The following CPEB3 variants were observed in gnomAD, a reference collection of about 807,000 sequenced individuals.
CPEB3 encodes cytoplasmic polyadenylation element-binding protein 3.
In CPEB3, 20 loss-of-function variants were observed where a neutral mutation model predicts 67.2. The observed-to-expected ratio is 0.30, with a 90% CI of 0.21 to 0.43. The LOEUF (loss-of-function observed/expected upper bound fraction) is 0.43, where lower values mean the gene tolerates loss of function less well. Ranked by LOEUF, CPEB3 falls within the 20% of genes least tolerant of loss-of-function variation. The pLI is 1.00. For synonymous variants in CPEB3, 376 were observed against 393.1 expected (o/e 0.96, Z 0.51); for missense variants, 746 against 968.6 (o/e 0.77, Z 3.05).
chr10:92,258,227 G>A (rs529826652), intron 1 of CPEB3, among the ~76,000 whole-genome samples: 2 of 151,250 alleles, frequency 1.3e-5, no homozygotes, highest in Non-Finnish European at 2.9e-5. Context: ...AGCCTCCTGA[G>A]TAGCTGGGAT....
intron 3 of CPEB3, among the ~76,000 whole-genome samples, chr10:92,190,665 CAAAAAAAAAAAAAAAAAAAAAAAAAAA>C (rs780757034): frequency 2.6e-5 from 2 of 78,396 alleles, no homozygotes; most frequent in South Asian, 6.5e-4. Flanking sequence ...AACTCCATCT[CAAAAAAAAAAAAAAAAAAAAAAAAAAA>C]AAAAAAAAAA....
chr10:92,197,964 G>A (rs917062817), intron 2 of CPEB3, among the ~76,000 whole-genome samples: 6 of 152,022 alleles, frequency 3.9e-5, no homozygotes, highest in African/African-American at 7.2e-5. Flanking sequence ...AAAATTAGCC[G>A]GTGTGGTGGC....
chr10:92,085,636 T>C (rs918663448), intron 8 of CPEB3, among the ~76,000 whole-genome samples: 3 of 152,200 alleles, frequency 2.0e-5, no homozygotes, highest in African/African-American at 7.2e-5. Context: ...TGAGATGGAA[T>C]CTCGCTCTAT....
intron 8 of CPEB3, among the ~76,000 whole-genome samples, chr10:92,082,016 C>A (rs149400776): frequency 3.3e-5 from 5 of 152,208 alleles, no homozygotes; most frequent in African/African-American, 1.2e-4. Flanking sequence ...TAAATCTCCA[C>A]AATTTAAAAA....
chr10:92,113,169 G>A (rs985377305), intron 6 of CPEB3, among the ~76,000 whole-genome samples: 1 of 152,210 alleles, frequency 6.6e-6, no homozygotes, highest in Non-Finnish European at 1.5e-5. Context: ...TTAGGACCAA[G>A]AGCTGTTTTC....
intron 9 of CPEB3, among the ~76,000 whole-genome samples, chr10:92,076,602 T>TG (rs1202512054): frequency 6.6e-6 from 1 of 151,062 alleles, no homozygotes; most frequent in Non-Finnish European, 1.5e-5. Context: ...TGTGTAGAGA[T>TG]GGGGTCTCCG....
intron 7 of CPEB3, among the ~76,000 whole-genome samples, chr10:92,108,166 T>C (rs1396719041): frequency 6.6e-6 from 1 of 151,506 alleles, no homozygotes; most frequent in African/African-American, 2.4e-5. Context: ...CCAGGGAGGG[T>C]CAGAAAAAAT....
rs779113763 is a variant in CPEB3, at chr10:92,181,016, C to T, written c.1169G>A (p.Arg390His). ...DIMWRNHFAG[R>H]MGINFHHPGT... is the part of the protein sequence containing the mutation. The stretch of plus-strand genomic sequence containing the variant: ...TGGATGATGGAAATTTATCCCCATG[C>T]GTCCTAAAAAATAAAATAATTTTAA... Residue 390 changes from arginine (R) to histidine (H), a missense_variant, in exon 4 of 10, where the codon CGC (arginine) becomes CAC (histidine). Physicochemically the swap from Arg to His is conservative, Grantham distance 29. Transcript: ENST00000265997. 11 of 1,490,968 alleles carry T rather than the reference C, an allele frequency of 7.4e-6. No individual in the cohort carries two copies. The East Asian group carries it at 9.1e-5, about 12-fold the overall frequency. The allele number at this position is 1,490,968 out of a possible 1,614,324, so 92.4% of individuals were successfully genotyped here. A position where few individuals can be genotyped will look rare whatever the true frequency, so the allele number is the denominator to read the frequency against.
intron 6 of CPEB3, among the ~76,000 whole-genome samples, chr10:92,120,857 C>T (rs1269807421): frequency 6.6e-6 from 1 of 151,760 alleles, no homozygotes; most frequent in African/African-American, 2.4e-5. Context: ...AGTTCCACCA[C>T]ATCTGGCTAA....
chr10:92,207,071 C>T (rs1452377862), intron 2 of CPEB3, among the ~76,000 whole-genome samples: 1 of 152,118 alleles, frequency 6.6e-6, no homozygotes, highest in Admixed American at 6.6e-5. Context: ...TAGTCTGGAC[C>T]TTCCAGGCTC....
At chr10:92,139,002 G>T (rs1217141075) in intron 6 of CPEB3, among the ~76,000 whole-genome samples, 2 of 152,180 alleles carry the variant, frequency 1.3e-5, no homozygotes, top group Non-Finnish European at 2.9e-5. Context: ...ATGTGACCAG[G>T]CACGGTGGCT....
intron 1 of CPEB3, among the ~76,000 whole-genome samples, chr10:92,284,328 C>G (rs568494160): frequency 1.3e-5 from 2 of 150,824 alleles, no homozygotes; most frequent in Non-Finnish European, 3.0e-5. Context: ...TGAGCCACCA[C>G]GCCCGGCCAG....
intron 5 of CPEB3, among the ~76,000 whole-genome samples, chr10:92,143,926 G>GA (rs1187557414): frequency 6.6e-6 from 1 of 152,008 alleles, no homozygotes; most frequent in Non-Finnish European, 1.5e-5. Context: ...CTGTCACCAT[G>GA]AAAAAAGGAA....
intron 6 of CPEB3, chr10:92,118,745 G>C: frequency 1.3e-6 from 1 of 749,032 alleles, no homozygotes; most frequent in African/African-American, 1.7e-5. Flanking sequence ...TGTTCCTTTG[G>C]GAACCACAGG....
At chr10:92,280,002 C>T (rs1290483980) in intron 1 of CPEB3, among the ~76,000 whole-genome samples, 3 of 151,482 alleles carry the variant, frequency 2.0e-5, no homozygotes, top group Admixed American at 6.6e-5. Flanking sequence ...CAGAGTGAGA[C>T]CTGGTCTCAA....
At chr10:92,134,857 CCA>C (rs1846014399) in intron 6 of CPEB3, among the ~76,000 whole-genome samples, 1 of 151,828 alleles carries the variant, frequency 6.6e-6, no homozygotes, top group African/African-American at 2.4e-5. Context: ...AGAAACAACA[CCA>C]CACATCTACA....
chr10:92,070,525 C>G (rs1842712494), intron 9 of CPEB3, among the ~76,000 whole-genome samples: 2 of 152,060 alleles, frequency 1.3e-5, no homozygotes, highest in Admixed American at 1.3e-4. Context: ...ACCTGTAATC[C>G]CAGCACTTTG....
At chr10:92,080,099 C>T (rs898372155) in intron 9 of CPEB3, among the ~76,000 whole-genome samples, 4 of 150,358 alleles carry the variant, frequency 2.7e-5, no homozygotes, top group Non-Finnish European at 4.4e-5. Flanking sequence ...CCCAGTTACT[C>T]GGGAGGCTGA....
intron 2 of CPEB3, chr10:92,216,666 C>T (rs560980194): frequency 3.1e-6 from 5 of 1,606,774 alleles, no homozygotes; most frequent in South Asian, 2.2e-5. Context: ...CCCTCTAAGA[C>T]GGACCTGGGT....
Sources: allele counts gnomAD v4.1 joint callset (sites outside exome capture counted in the v4.1 genomes callset), GRCh38; gene constraint gnomAD v4.1.1; transcripts MANE v1.5; gene names NCBI Gene and HGNC (gene_info 2026-07-23, HGNC 2026-07-21).